The following SRPK2 variants were observed in gnomAD, a reference collection of about 807,000 sequenced individuals.
SRPK2 encodes SRSF protein kinase 2.
In SRPK2, 21 loss-of-function variants were observed where a neutral mutation model predicts 90.8. The observed-to-expected ratio is 0.23, with a 90% CI of 0.16 to 0.33. The LOEUF is 0.33. Ranked by LOEUF, SRPK2 falls within the 10% of genes least tolerant of loss-of-function variation. SRPK2 has a pLI of 1.00. For missense variants in SRPK2, 620 were observed against 869.0 expected, an observed-to-expected ratio of 0.71 and a Z score of 3.60; for synonymous variants, 288 against 311.1, an observed-to-expected ratio of 0.93 and a Z score of 0.78.
chr7:105,313,313 G>T (rs1811931224), intron 2 of SRPK2, among the ~76,000 whole-genome samples: 1 of 151,760 alleles, frequency 6.6e-6, no homozygotes, highest in Non-Finnish European at 1.5e-5. Flanking sequence ...AGGGTGTGGT[G>T]ATGCGCACCT....
chr7:105,357,058 C>A (rs866314586), intron 2 of SRPK2, among the ~76,000 whole-genome samples: 6 of 148,060 alleles, frequency 4.1e-5, no homozygotes, highest in African/African-American at 1.5e-4. Flanking sequence ...TTTTTTGAGA[C>A]GGAGTCTCGC....
intron 2 of SRPK2, among the ~76,000 whole-genome samples, chr7:105,323,967 T>TGTGTGTGTGTGTGTGTGTG (rs1813232169): frequency 2.2e-5 from 3 of 133,816 alleles, no homozygotes; most frequent in African/African-American, 8.2e-5. Context: ...AGACTATTCT[T>TGTGTGTGTGTGTGTGTGTG]TGTGTGTGTG....
At chr7:105,203,305 T>A (rs1795791178) in intron 3 of SRPK2, among the ~76,000 whole-genome samples, 1 of 152,136 alleles carries the variant, frequency 6.6e-6, no homozygotes, top group South Asian at 2.1e-4. Flanking sequence ...TCCTTTTAGA[T>A]GGTTTATTAT....
At position 105,397,079 on chromosome 7, in the gene SRPK2, G is replaced by A. The variant is rs1353461249; in HGVS notation, n.153+2077C>T. On this transcript the variant is annotated intron_variant and non_coding_transcript_variant, in intron 1 of 3. Transcript: ENST00000462282. ...GTTGCCCAGGCTGGAGTGCAATGGCGTGATCTCAGCTCACTACAACTTCCG... is the reference window on the plus strand; with the variant it reads ...GTTGCCCAGGCTGGAGTGCAATGGCATGATCTCAGCTCACTACAACTTCCG... 5.3e-5 allele frequency among the ~76,000 whole-genome samples: 8 copies of A among 149,764 alleles called. No individual in the cohort carries two copies. In the East Asian group the frequency reaches 6.0e-4, roughly 11 times the overall value.
At chr7:105,118,640 G>A (rs1490394262) in intron 15 of SRPK2, among the ~76,000 whole-genome samples, 1 of 152,184 alleles carries the variant, frequency 6.6e-6, no homozygotes, top group Non-Finnish European at 1.5e-5. Flanking sequence ...ATAAAGGGCT[G>A]AGGGCAGTGG....
intron 13 of SRPK2, among the ~76,000 whole-genome samples, chr7:105,131,636 G>A (rs1333645658): frequency 6.6e-6 from 1 of 152,106 alleles, no homozygotes. Flanking sequence ...CCTATCAGCT[G>A]GCACTATCTG....
intron 3 of SRPK2, among the ~76,000 whole-genome samples, chr7:105,173,118 A>ATT (rs60558265): frequency 2.7e-5 from 4 of 149,342 alleles, no homozygotes; most frequent in African/African-American, 9.8e-5. Context: ...CAAGAGGGGC[A>ATT]TTTTTTTTTT....
chr7:105,261,022 TAAAAAAA>T (rs72277307), intron 2 of SRPK2, among the ~76,000 whole-genome samples: 1 of 116,038 alleles, frequency 8.6e-6, no homozygotes, highest in Admixed American at 9.5e-5. Context: ...CCCTAGAAAT[TAAAAAAA>T]AAAAAAAAAA....
intron 2 of SRPK2, chr7:105,244,889 G>A (rs1801384268): frequency 2.2e-6 from 3 of 1,395,264 alleles, no homozygotes; most frequent in African/African-American, 2.8e-5. Context: ...GGGTGTGGGC[G>A]CACATCCGCG....
chr7:105,363,882 C>A (rs1818716591), intron 2 of SRPK2, among the ~76,000 whole-genome samples: 1 of 152,054 alleles, frequency 6.6e-6, no homozygotes, highest in Non-Finnish European at 1.5e-5. Flanking sequence ...ATGTGCTTTG[C>A]AGGGACATGA....
chr7:105,341,499 C>A (rs2131886535), intron 2 of SRPK2, among the ~76,000 whole-genome samples: 1 of 152,120 alleles, frequency 6.6e-6, no homozygotes, highest in Admixed American at 6.5e-5. Flanking sequence ...ATAGCACAAC[C>A]CCATCTCTAC....
At chr7:105,366,318 TAC>T (rs1210091538) in intron 2 of SRPK2, among the ~76,000 whole-genome samples, 1 of 151,530 alleles carries the variant, frequency 6.6e-6, no homozygotes, top group Non-Finnish European at 1.5e-5. Flanking sequence ...ACAGTTGTCA[TAC>T]AGTGACTTTG....
chr7:105,128,538 A>C (rs1584883085), intron 13 of SRPK2, among the ~76,000 whole-genome samples: 2 of 152,348 alleles, frequency 1.3e-5, no homozygotes, highest in South Asian at 2.1e-4. Context: ...GAGTCCTTCT[A>C]GCCTGGGAAA....
chr7:105,273,431 CTT>C (rs11284964), intron 2 of SRPK2, among the ~76,000 whole-genome samples: 31 of 140,456 alleles, frequency 2.2e-4, no homozygotes, highest in Middle Eastern at 7.1e-3. Flanking sequence ...TTCTTTTTTT[CTT>C]TTTTTTTTTT....
intron 2 of SRPK2, among the ~76,000 whole-genome samples, chr7:105,248,465 A>G (rs955239539): frequency 1.5e-4 from 22 of 146,666 alleles, no homozygotes; most frequent in African/African-American, 5.3e-4. Flanking sequence ...AAAGTCAGGC[A>G]TGGTGGTGTG....
At chr7:105,341,376 AAAAAAG>A (rs1304046853) in intron 2 of SRPK2, among the ~76,000 whole-genome samples, 11 of 50,818 alleles carry the variant, frequency 2.2e-4, no homozygotes, top group East Asian at 7.1e-4. Flanking sequence ...AAAAAAAAAA[AAAAAAG>A]GGGGAATGTG....
intron 2 of SRPK2, among the ~76,000 whole-genome samples, chr7:105,229,991 A>T (rs1230847795): frequency 6.6e-6 from 1 of 152,200 alleles, no homozygotes; most frequent in Non-Finnish European, 1.5e-5. Context: ...ACTGAACTGG[A>T]TCTGACATAT....
At chr7:105,249,369 T>C (rs544590394) in intron 2 of SRPK2, among the ~76,000 whole-genome samples, 58 of 152,226 alleles carry the variant, frequency 3.8e-4, no homozygotes, top group South Asian at 1.9e-3. Flanking sequence ...AAGAACTAAA[T>C]AGTGAACAGG....
Position 105,233,514 on chromosome 7 carries a change from G to A in SRPK2, c.72-29729C>T, listed in dbSNP as rs566894656. On this transcript the variant is annotated intron_variant, in intron 2 of 15. Coordinates refer to ENST00000393651, the MANE Select transcript of SRPK2 (RefSeq NM_182692.3). ...TAGAGATCAGTGGAAAAGAGGTGAA[G>A]CTCTCAACTACTTTTACAAAATAGT... Among the ~76,000 whole-genome samples, 6 of 152,086 alleles carry A rather than the reference G, an allele frequency of 3.9e-5. No homozygotes were observed. The South Asian group carries it at 1.2e-3, about 32-fold the overall frequency.
Sources: gnomAD v4.1 joint callset for allele counts (sites outside exome capture counted in the v4.1 genomes callset) on GRCh38, gnomAD v4.1.1 for gene constraint, MANE v1.5 for transcripts, NCBI Gene and HGNC (gene_info 2026-07-23, HGNC 2026-07-21) for gene names.